Variants in CSF2RA observed in about 807,000 individuals in gnomAD.
CSF2RA encodes the protein granulocyte-macrophage colony-stimulating factor receptor subunit alpha.
CSF2RA carries 42 observed loss-of-function variants against 51.6 expected under a neutral mutation model. The ratio of observed to expected loss-of-function variants is 0.81; its 90% CI spans 0.64 to 1.05. The LOEUF (loss-of-function observed/expected upper bound fraction) is 1.05. CSF2RA is among the 50% of genes least tolerant of loss of function. The pLI is 0.00. For missense variants in CSF2RA, 530 were observed against 501.1 expected (o/e 1.06, Z -0.55); for synonymous variants, 222 against 193.0 (o/e 1.15, Z -1.24).
chrX:1,322,856 G>A, the CSF2RA span, among the ~76,000 whole-genome samples: 3 of 152,058 alleles, frequency 2.0e-5, no homozygotes, highest in East Asian at 1.9e-4. Flanking sequence ...TTGGCCGGGC[G>A]CGGTGGCTCA....
chrX:1,280,087 G>C (rs1447605508), intron 2 of CSF2RA, among the ~76,000 whole-genome samples: 1 of 152,060 alleles, frequency 6.6e-6, no homozygotes, highest in Non-Finnish European at 1.5e-5. Context: ...ACTGTGCCCG[G>C]CCGAGAGACG....
At chrX:1,314,457 GCACCTGCCCAACCCCAATGCACCTA>G (rs2084382018), downstream of CSF2RA, among the ~76,000 whole-genome samples, 5 of 148,988 alleles carry the variant, frequency 3.4e-5, no homozygotes, top group Admixed American at 2.0e-4. Flanking sequence ...CAATTGCACT[GCACCTGCCCAACCCCAATGCACCTA>G]CCCAACCCCA....
chrX:1,316,303 T>TAGATAGATAGATAGAC, the CSF2RA span, among the ~76,000 whole-genome samples: 2 of 138,550 alleles, frequency 1.4e-5, no homozygotes, highest in African/African-American at 5.3e-5. Flanking sequence ...GATAGATAGA[T>TAGATAGATAGATAGAC]AGACAGACAG....
chrX:1,316,841 G>A, the CSF2RA span, among the ~76,000 whole-genome samples: 2 of 152,254 alleles, frequency 1.3e-5, no homozygotes, highest in African/African-American at 2.4e-5. Flanking sequence ...CAGACACAGA[G>A]GCGTTGAGGG....
chrX:1,309,199 C>A (rs2083988124), intron 12 of CSF2RA, among the ~76,000 whole-genome samples: 1 of 152,126 alleles, frequency 6.6e-6, no homozygotes, highest in African/African-American at 2.4e-5. Context: ...CCTGTAATCC[C>A]AGCTACTCAG....
At chrX:1,284,660 A>ATTTTT (rs61159606) in intron 3 of CSF2RA, among the ~76,000 whole-genome samples, 6 of 24,450 alleles carry the variant, frequency 2.5e-4, no homozygotes, top group Non-Finnish European at 3.5e-4. Flanking sequence ...CTAGTTTTTG[A>ATTTTT]TTTTTTTTTT....
intron 9 of CSF2RA, among the ~76,000 whole-genome samples, chrX:1,299,655 C>A (rs779857801): frequency 6.6e-6 from 1 of 152,180 alleles, no homozygotes; most frequent in Non-Finnish European, 1.5e-5. Context: ...CGGTGGCTCA[C>A]GCCTGTCATC....
chrX:1,269,108 A>T (rs756900222), intron 1 of CSF2RA, among the ~76,000 whole-genome samples: 64 of 150,030 alleles, frequency 4.3e-4, no homozygotes, highest in South Asian at 1.5e-3. Flanking sequence ...AGGCAAAATT[A>T]AAAAAATAAA....
In CSF2RA at chrX:1,300,365, GA is replaced by G. The variant is rs372235483; in HGVS notation, c.811-118del. On this transcript the variant is annotated intron_variant, in intron 9 of 12. Transcript: ENST00000381529. ...CAGACCAAGTGCATTCAGAGTGGTA[GA>G]AAAAAAAGAAGAAAAAGAAAAAAAG... 1,757 of 1,235,552 alleles carry G rather than the reference GA, an allele frequency of 1.4e-3. 18 individuals carry two copies. The African/African-American group carries it at 0.023, about 16-fold the overall frequency. The allele number at this position is 1,235,552 out of a possible 1,614,324, so 76.5% of individuals were successfully genotyped here. A position where few individuals can be genotyped will look rare whatever the true frequency, so the allele number is the denominator to read the frequency against.
At chrX:1,324,481 C>CAGGG in the CSF2RA span, among the ~76,000 whole-genome samples, 1 of 108,576 alleles carries the variant, frequency 9.2e-6, no homozygotes, top group African/African-American at 3.6e-5. Context: ...AGCAAGCAAG[C>CAGGG]AGGGAGGGAG....
chrX:1,321,525 A>T, the CSF2RA span, among the ~76,000 whole-genome samples: 3 of 150,510 alleles, frequency 2.0e-5, no homozygotes, highest in Non-Finnish European at 2.9e-5. Flanking sequence ...CGGTTGGCTG[A>T]GGTCGTGCCA....
chrX:1,318,370 C>T, the CSF2RA span, among the ~76,000 whole-genome samples: 1 of 151,372 alleles, frequency 6.6e-6, no homozygotes, highest in Non-Finnish European at 1.5e-5. Context: ...ACCATGTTGG[C>T]CAGGCTGGTC....
At position 1,283,155 on chromosome X, in the gene CSF2RA, G is replaced by C. The variant is rs574550249; in HGVS notation, c.76+376G>C. Among the ~76,000 whole-genome samples, 125 of 68,084 alleles carry C rather than the reference G, an allele frequency of 1.8e-3. 2 individuals carry two copies. Among genetic ancestry groups the C allele is most frequent in the African/African-American group, 2.9e-3 (57 of 19,668 alleles). The allele number at this position is 68,084 out of a possible 152,430, so 44.7% of individuals were successfully genotyped here. A position where few individuals can be genotyped will look rare whatever the true frequency, so the allele number is the denominator to read the frequency against. On this transcript the variant is annotated intron_variant, in intron 3 of 12. Transcript: ENST00000381529. ...CCTTCCTTCCTTCCTTCCTTCCTTC[G>C]TTCCTTCCTTCGTTCCTTCCTTCCT...
intron 7 of CSF2RA, among the ~76,000 whole-genome samples, chrX:1,293,290 C>T (rs777320794): frequency 1.3e-5 from 2 of 152,248 alleles, no homozygotes; most frequent in East Asian, 1.9e-4. Context: ...GGGATCTCGG[C>T]TCACTGCAAC....
chrX:1,295,620 T>G, intron 9 of CSF2RA, 164 bp downstream of exon 9: 1 of 753,266 alleles, frequency 1.3e-6, no homozygotes, highest in Non-Finnish European at 2.4e-6. Flanking sequence ...ACACCTAGTG[T>G]AACTCTACAG....
At chrX:1,320,526 G>A in the CSF2RA span, among the ~76,000 whole-genome samples, 2 of 143,766 alleles carry the variant, frequency 1.4e-5, no homozygotes, top group African/African-American at 5.2e-5. Context: ...GAGACGGAGT[G>A]TTACTCTGTC....
chrX:1,300,722 G>A, intron 10 of CSF2RA, 96 bp downstream of exon 10: 20 of 1,526,544 alleles, frequency 1.3e-5, no homozygotes, highest in Admixed American at 1.7e-5. Context: ...CGCTGAGATC[G>A]AGTTGAGCAC....
the CSF2RA span, among the ~76,000 whole-genome samples, chrX:1,317,395 G>A: frequency 6.7e-6 from 1 of 149,488 alleles, no homozygotes; most frequent in Non-Finnish European, 1.5e-5. Context: ...GGGATGACAG[G>A]CATGCACCAC....
At position 1,305,867 on chromosome X, in the gene CSF2RA, G is replaced by C. The variant is rs771981401; in HGVS notation, c.1125+340G>C. 1.5e-5 allele frequency: 21 copies of C among 1,384,774 alleles called. No individual in the cohort carries two copies. The Admixed American group carries it at 2.0e-4, about 13-fold the overall frequency. The allele number at this position is 1,384,774 out of a possible 1,614,324, so 85.8% of individuals were successfully genotyped here. A position where few individuals can be genotyped will look rare whatever the true frequency, so the allele number is the denominator to read the frequency against. ...AGGTTGAGGCATGTGGATCATCTGAGGTCAGAGGTTCGAGACCAGCCTGGC... is the reference window on the plus strand; with the variant it reads ...AGGTTGAGGCATGTGGATCATCTGACGTCAGAGGTTCGAGACCAGCCTGGC... On this transcript the variant is annotated intron_variant, in intron 12 of 12. Coordinates refer to ENST00000381529, the MANE Select transcript of CSF2RA (RefSeq NM_172245.4).
Sources: allele counts gnomAD v4.1 joint callset (sites outside exome capture counted in the v4.1 genomes callset), GRCh38; gene constraint gnomAD v4.1.1; transcripts MANE v1.5; gene names NCBI Gene and HGNC (gene_info 2026-07-23, HGNC 2026-07-21).